Variants in NAALADL2 observed in about 807,000 individuals in gnomAD.
The protein encoded by NAALADL2 is N-acetylated alpha-linked acidic dipeptidase like 2, also known as inactive N-acetylated-alpha-linked acidic dipeptidase-like protein 2.
In NAALADL2, 76 loss-of-function variants were observed where a neutral mutation model predicts 87.2. That is an observed-to-expected ratio of 0.87 (90% CI 0.72 to 1.05). The LOEUF is 1.05. NAALADL2 is among the 50% of genes least tolerant of loss of function. The pLI is 0.00. For missense variants in NAALADL2, 1,089 were observed against 945.8 expected (o/e 1.15, Z -1.99); for synonymous variants, 354 against 331.0 (o/e 1.07, Z -0.75).
intron 5 of NAALADL2, among the ~76,000 whole-genome samples, chr3:175,430,539 C>T (rs1717574875): frequency 6.6e-6 from 1 of 151,812 alleles, no homozygotes. Context: ...GTTTGTCTTC[C>T]AGCTAAAATC....
At chr3:174,496,368 T>C (rs1296766423) in intron 1 of NAALADL2, among the ~76,000 whole-genome samples, 1 of 152,020 alleles carries the variant, frequency 6.6e-6, no homozygotes, top group Non-Finnish European at 1.5e-5. Flanking sequence ...TTAGATACTT[T>C]TGTGGTCATA....
chr3:175,234,207 A>G lies in NAALADL2; in HGVS notation c.819+3A>G, dbSNP rs765430497. ...ATTCTGCCAAAGGAACTCTCAAGGTAATATGACCATTTGTCTCTGTCATTT... is the reference window on the plus strand; with the variant it reads ...ATTCTGCCAAAGGAACTCTCAAGGTGATATGACCATTTGTCTCTGTCATTT... On this transcript the variant is annotated splice_donor_region_variant and intron_variant, in intron 3 of 13. Transcript: ENST00000454872. The G allele has an allele frequency of 4.3e-6, 7 of 1,612,274 alleles. No homozygotes were observed. The highest frequency in any genetic ancestry group is 5.9e-6 in the Non-Finnish European group (7 of 1,178,934).
chr3:175,347,264 C>T (rs937263674), intron 5 of NAALADL2, among the ~76,000 whole-genome samples: 1 of 152,182 alleles, frequency 6.6e-6, no homozygotes, highest in Admixed American at 6.6e-5. Flanking sequence ...TGTCTAATCT[C>T]TTTCCAATTG....
intron 2 of NAALADL2, among the ~76,000 whole-genome samples, chr3:174,664,489 C>T (rs1725787523): frequency 2.0e-5 from 3 of 152,140 alleles, no homozygotes; most frequent in Admixed American, 2.0e-4. Context: ...TTTTTAATGA[C>T]TGATTTCACT....
At chr3:174,609,986 A>G (rs1368196377) in intron 2 of NAALADL2, among the ~76,000 whole-genome samples, 1 of 152,170 alleles carries the variant, frequency 6.6e-6, no homozygotes, top group African/African-American at 2.4e-5. Flanking sequence ...ATGGAACAGA[A>G]CAGAGCCCTC....
At chr3:174,795,014 A>T (rs951972514) in intron 3 of NAALADL2, among the ~76,000 whole-genome samples, 1 of 75,162 alleles carries the variant, frequency 1.3e-5, no homozygotes, top group East Asian at 3.4e-4. Context: ...TTTTTGAGAC[A>T]GAGTTTCGCT....
At chr3:175,549,839 G>A (rs1407137949) in intron 9 of NAALADL2, among the ~76,000 whole-genome samples, 2 of 151,842 alleles carry the variant, frequency 1.3e-5, no homozygotes, top group African/African-American at 4.8e-5. Context: ...CACTGACTGG[G>A]GCCTGTTAAT....
intron 3 of NAALADL2, among the ~76,000 whole-genome samples, chr3:175,240,761 T>C (rs1975885): frequency 0.29 from 44,622 of 152,084 alleles, 7,734 homozygotes; most frequent in South Asian, 0.41. Context: ...GTTCAAGCGA[T>C]TCTCCTGGCT....
intron 2 of NAALADL2, among the ~76,000 whole-genome samples, chr3:175,102,578 C>A (rs953353580): frequency 2.6e-5 from 4 of 152,032 alleles, no homozygotes; most frequent in African/African-American, 4.8e-5. Flanking sequence ...CTTTGGATTT[C>A]TCTTACTAGA....
At chr3:175,289,192 T>C (rs561731638) in intron 4 of NAALADL2, among the ~76,000 whole-genome samples, 52 of 152,254 alleles carry the variant, frequency 3.4e-4, no homozygotes, top group Non-Finnish European at 7.1e-4. Context: ...AATTACTATT[T>C]TAAAAATTTA....
intron 1 of NAALADL2, among the ~76,000 whole-genome samples, chr3:175,011,001 G>C (rs1234234209): frequency 6.6e-6 from 1 of 152,070 alleles, no homozygotes; most frequent in East Asian, 1.9e-4. Context: ...AATAAATCTA[G>C]GTACTCCTAT....
intron 1 of NAALADL2, among the ~76,000 whole-genome samples, chr3:174,981,112 G>C (rs9874175): frequency 0.11 from 16,502 of 152,092 alleles, 2,205 homozygotes; most frequent in African/African-American, 0.32. Flanking sequence ...AAAATAGTAA[G>C]AGAAAGTTAA....
intron 1 of NAALADL2, among the ~76,000 whole-genome samples, chr3:174,892,080 G>C (rs1484863810): frequency 6.6e-6 from 1 of 152,052 alleles, no homozygotes; most frequent in Non-Finnish European, 1.5e-5. Context: ...CAAATATCTA[G>C]AAAGTTTTCC....
intron 2 of NAALADL2, among the ~76,000 whole-genome samples, chr3:175,141,470 TAGAG>T (rs573544402): frequency 9.2e-5 from 14 of 152,004 alleles, no homozygotes; most frequent in African/African-American, 3.1e-4. Flanking sequence ...AGTTTTCAAA[TAGAG>T]AGAGTAGAGG....
intron 1 of NAALADL2, among the ~76,000 whole-genome samples, chr3:174,948,995 T>G (rs747746694): frequency 1.8e-4 from 28 of 152,156 alleles, no homozygotes; most frequent in Non-Finnish European, 2.2e-4. Context: ...ACAGTTGTCT[T>G]CTCACTCTAG....
intron 1 of NAALADL2, among the ~76,000 whole-genome samples, chr3:174,929,777 CA>C (rs1358057364): frequency 6.6e-6 from 1 of 152,100 alleles, no homozygotes; most frequent in Non-Finnish European, 1.5e-5. Context: ...GCAGGCCAAT[CA>C]AAGTTGGACT....
intron 9 of NAALADL2, among the ~76,000 whole-genome samples, chr3:175,560,974 C>A (rs62288383): frequency 0.13 from 19,732 of 152,070 alleles, 1,382 homozygotes; most frequent in Middle Eastern, 0.17. Context: ...GAAAGTAAGG[C>A]GAGACGACAG....
chr3:175,335,686 T>A (rs1223613820), intron 5 of NAALADL2, among the ~76,000 whole-genome samples: 2 of 152,214 alleles, frequency 1.3e-5, no homozygotes, highest in African/African-American at 4.8e-5. Context: ...ATTGTAAATT[T>A]CAGTACCATA....
intron 2 of NAALADL2, among the ~76,000 whole-genome samples, chr3:174,677,642 A>T (rs1391406006): frequency 1.3e-5 from 2 of 152,086 alleles, no homozygotes; most frequent in African/African-American, 2.4e-5. Flanking sequence ...ATATCAGTCA[A>T]TCCATAACCT....
Sources: gnomAD v4.1 joint callset for allele counts (sites outside exome capture counted in the v4.1 genomes callset) on GRCh38, gnomAD v4.1.1 for gene constraint, MANE v1.5 for transcripts, NCBI Gene and HGNC (gene_info 2026-07-23, HGNC 2026-07-21) for gene names.